Variants in PLK5 observed in about 807,000 individuals in gnomAD.
The protein encoded by PLK5 is polo like kinase 5 (inactive).
PLK5 carries 28 observed loss-of-function variants against 33.7 expected under a neutral mutation model. The ratio of observed to expected loss-of-function variants is 0.83; its 90% CI spans 0.62 to 1.14. The LOEUF (loss-of-function observed/expected upper bound fraction) is 1.14. Among genes scored for constraint, PLK5 ranks in the 50% most tolerant of loss-of-function variants. The probability of loss-of-function intolerance (pLI) is 0.00; values close to 1 mark genes in which losing one functional copy is unlikely to be tolerated. For missense variants in PLK5, 492 were observed against 461.5 expected, an observed-to-expected ratio of 1.07 and a Z score of -0.61; for synonymous variants, 225 against 202.2, an observed-to-expected ratio of 1.11 and a Z score of -0.96.
chr19:1,534,154 G>GAAA, intron 13 of PLK5, 113 bp downstream of exon 13: 1 of 461,944 alleles, frequency 2.2e-6, no homozygotes, highest in Non-Finnish European at 3.4e-6. Flanking sequence ...TTGCCTCCCA[G>GAAA]GAAAAAAAAA....
intron 12 of PLK5, among the ~76,000 whole-genome samples, chr19:1,532,574 G>C (rs1262294655): frequency 2.0e-5 from 3 of 147,748 alleles, no homozygotes; most frequent in Non-Finnish European, 4.5e-5. Flanking sequence ...CCAGGCTGGA[G>C]TGCAGTGGCG....
rs1301439342 is a variant in PLK5 at position 1,529,478 on chromosome 19, A to T, written c.478A>T (p.Ser160Cys). 6.5e-7 allele frequency: 1 copy of T among 1,535,750 alleles called. No individual in the cohort carries two copies. The highest frequency in any genetic ancestry group is 8.7e-7 in the Non-Finnish European group (1 of 1,146,764). The change falls in exon 10 of 14, where the codon AGT becomes TGT. Residue 160 changes from serine to cysteine, a missense_variant. Ser to Cys is a moderately radical substitution (Grantham distance 112). Coordinates refer to ENST00000454744, the MANE Select transcript of PLK5 (RefSeq NM_001243079.2). ...CCTGGTCGCACAAGGGACCCTGCAG[A>T]GTGACCTGGCCGGTGAGCAGATCCC... is the stretch of plus-strand genomic sequence containing the variant. Reference protein sequence around the residue: ...IHLVAQGTLQSDLAGPEGSRR... With the variant: ...IHLVAQGTLQCDLAGPEGSRR...
rs1002835367 is a variant in PLK5, at chr19:1,536,043, G to T, written c.*793G>T. 6.6e-6 allele frequency: 1 copy of T among 152,314 alleles called. No individual in the cohort carries two copies. The highest frequency in any genetic ancestry group is 2.4e-5 in the African/African-American group (1 of 41,422). The allele number at this position is 152,314 out of a possible 1,614,324, so 9.4% of individuals were successfully genotyped here. A position where few individuals can be genotyped will look rare whatever the true frequency, so the allele number is the denominator to read the frequency against. On this transcript the variant is annotated 3_prime_UTR_variant, in exon 14 of 14. Coordinates refer to ENST00000454744, the MANE Select transcript of PLK5 (RefSeq NM_001243079.2). ...GCACAACCGTCACCTGTGCTGCCCT[G>T]GGGTGGACGGTGCACTCATGGACCT...
In PLK5 at chr19:1,529,839, A is replaced by G; in HGVS notation, c.568+15A>G. 1.3e-6 allele frequency: 2 copies of G among 1,534,404 alleles called. No individual in the cohort carries two copies. The highest frequency in any genetic ancestry group is 2.0e-5 in the Admixed American group (1 of 50,690). ...AGGCCCCCCGGGTAGGAGCCGGCCC[A>G]GCCCCCAGGATCACCTTTACTCTTA... On this transcript the variant is annotated intron_variant, in intron 11 of 13. Coordinates refer to ENST00000454744, the MANE Select transcript of PLK5 (RefSeq NM_001243079.2).
Position 1,529,816 on chromosome 19 carries a change from G to T in PLK5, c.560G>T (p.Gly187Val), listed in dbSNP as rs781412544. Residue 187 changes from glycine (G) to valine (V), a missense_variant, in exon 11 of 14, where the codon GGC (glycine) becomes GTC (valine). Coordinates refer to ENST00000454744, the MANE Select transcript of PLK5 (RefSeq NM_001243079.2). ...CACCTGCAGCTGTGCCTGGATGTAG[G>T]CCCCCCGGGTAGGAGCCGGCCCAGC... ...LRHLQLCLDV[G>V]PPATQDPLGE... The T allele has an allele frequency of 6.5e-7, 1 of 1,535,764 alleles. No homozygotes were observed. Among genetic ancestry groups the T allele is most frequent in the Non-Finnish European group, 8.7e-7 (1 of 1,146,792 alleles).
In PLK5 at chr19:1,535,051, C is replaced by T. The variant is rs1408994147; in HGVS notation, c.826-14C>T. 6.6e-7 allele frequency: 1 copy of T among 1,519,234 alleles called. No individual in the cohort carries two copies. The highest frequency in any genetic ancestry group is 2.5e-5 in the East Asian group (1 of 40,228). The allele number at this position is 1,519,234 out of a possible 1,614,324, so 94.1% of individuals were successfully genotyped here. A position where few individuals can be genotyped will look rare whatever the true frequency, so the allele number is the denominator to read the frequency against. ...GTACCCGTCTCCCCTTGACTGGTAT[C>T]TTACCCTTTGCAGGTGAGCTTCAGT... On this transcript the variant is annotated splice_polypyrimidine_tract_variant and intron_variant, in intron 13 of 13. Transcript: ENST00000454744.
intron 6 of PLK5, among the ~76,000 whole-genome samples, chr19:1,527,730 G>T (rs1248661533): frequency 6.6e-6 from 1 of 152,052 alleles, no homozygotes; most frequent in Non-Finnish European, 1.5e-5. Context: ...AGGGTGCCAG[G>T]TGCAGGCAGG....
chr19:1,529,704 G>A (rs757147433), intron 10 of PLK5, 43 bp from the exon 11 acceptor site: 2 of 1,529,946 alleles, frequency 1.3e-6, no homozygotes, highest in Non-Finnish European at 1.8e-6. Context: ...GCCTGGTGGT[G>A]GGAACCCAGA....
intron 3 of PLK5, 87 bp downstream of exon 3, chr19:1,525,798 C>T: frequency 6.5e-6 from 1 of 152,932 alleles, no homozygotes. Flanking sequence ...CGCCGCTGCC[C>T]CCCGTACCAT....
rs1014825512 is a variant in PLK5 at position 1,531,967 on chromosome 19, C to T, written c.714+84C>T. On this transcript the variant is annotated intron_variant, in intron 12 of 13. Coordinates refer to ENST00000454744, the MANE Select transcript of PLK5 (RefSeq NM_001243079.2). ...CATCTCTCAAGTATTTATTAAGCACCTACTGTGCACACCTACAGGTGCTCC... is the reference window on the plus strand; with the variant it reads ...CATCTCTCAAGTATTTATTAAGCACTTACTGTGCACACCTACAGGTGCTCC... The T allele has an allele frequency of 8.0e-6, 11 of 1,373,114 alleles. No individual in the cohort carries two copies. The South Asian group carries it at 9.5e-5, about 12-fold the overall frequency. 85.1% of individuals were successfully genotyped at this position (1,373,114 alleles called of 1,614,324 possible).
chr19:1,527,045 GGTGTGGC>G, intron 6 of PLK5, 47 bp downstream of exon 6: 1 of 1,156,980 alleles, frequency 8.6e-7, no homozygotes, highest in East Asian at 2.8e-5. Flanking sequence ...GGGGGGGGCA[GGTGTGGC>G]GGGGGGGGAG....
Position 1,529,409 on chromosome 19 carries a change from T to G in PLK5, c.409T>G (p.Ser137Ala). The G allele has an allele frequency of 1.3e-6, 2 of 1,535,704 alleles. No homozygotes were observed. Among genetic ancestry groups the G allele is most frequent in the Non-Finnish European group, 1.7e-6 (2 of 1,146,770 alleles). The change falls in exon 10 of 14, where the codon TCC becomes GCC. Residue 137 changes from serine to alanine, a missense_variant. Ser to Ala is a moderately conservative substitution (Grantham distance 99, BLOSUM62 1). Coordinates refer to ENST00000454744, the MANE Select transcript of PLK5 (RefSeq NM_001243079.2). ...ACCCCTGCTGCTCCCACCTCAGAGC[T>G]CCCTGTCTGCGAAAGAGGTTCCCTG... ...PDSMEWDGES[S>A]LSAKEVPCLE...
chr19:1,532,968 G>GT (rs548769914), intron 12 of PLK5, among the ~76,000 whole-genome samples: 4,733 of 144,378 alleles, frequency 0.033, 129 homozygotes, highest in African/African-American at 0.074. Flanking sequence ...GCCTGGCCAA[G>GT]TTTTTTTTTT....
At chr19:1,534,140 G>T in intron 13 of PLK5, 99 bp downstream of exon 13, 1 of 723,882 alleles carries the variant, frequency 1.4e-6, no homozygotes, top group South Asian at 2.0e-5. Context: ...GCCTTAGGAA[G>T]CATTTGCCTC....
rs558967313 is a variant in PLK5 at position 1,533,945 on chromosome 19, C to G, written c.729C>G (p.Pro243=). ...PATPRREGTL[P]TPVPPAGPGL... ...TCTGTCCACAGGAGGGGACCCTCCC[C>G]ACACCTGTGCCACCTGCTGGACCCG... The change falls in exon 13 of 14, where the codon CCC becomes CCG. Residue 243 remains proline (P), a synonymous_variant. Transcript: ENST00000454744. 25 of 1,534,306 alleles carry G rather than the reference C, an allele frequency of 1.6e-5. No individual in the cohort carries two copies. In the African/African-American group the frequency reaches 3.0e-4, roughly 18 times the overall value.
At chr19:1,530,241 G>A (rs952750052) in intron 11 of PLK5, among the ~76,000 whole-genome samples, 5 of 151,984 alleles carry the variant, frequency 3.3e-5, no homozygotes, top group African/African-American at 1.2e-4. Flanking sequence ...CACCCTTAGA[G>A]AGGGAGCCCC....
intron 13 of PLK5, 84 bp downstream of exon 13, chr19:1,534,125 G>C: frequency 9.0e-7 from 1 of 1,108,326 alleles, no homozygotes; most frequent in South Asian, 1.4e-5. Context: ...GCAAGCTTTG[G>C]GGGAGCCTTA....
chr19:1,527,130 G>A lies in PLK5; in HGVS notation c.2+132G>A, dbSNP rs1341651131. ...GTGGAACAGGCACCTGTCGCCAAGT[G>A]TGCAGTATGAACAGGACGTGTGTGG... On this transcript the variant is annotated intron_variant, in intron 6 of 13. Coordinates refer to ENST00000454744, the MANE Select transcript of PLK5 (RefSeq NM_001243079.2). 2.0e-5 allele frequency: 20 copies of A among 980,874 alleles called. No homozygotes were observed. The East Asian group carries it at 5.3e-4, about 26-fold the overall frequency. 60.8% of individuals were successfully genotyped at this position (980,874 alleles called of 1,614,324 possible).
In PLK5 at chr19:1,528,923, G is replaced by T. The variant is rs745948827; in HGVS notation, c.354G>T (p.Ser118=). 3.5e-5 allele frequency: 53 copies of T among 1,519,886 alleles called. No individual in the cohort carries two copies. The East Asian group carries it at 9.2e-4, about 26-fold the overall frequency. 94.1% of individuals were successfully genotyped at this position (1,519,886 alleles called of 1,614,324 possible). ...GCCCCTTCACGCCTAAAGAGGCCTC[G>T]GGTCCAGGAGAAGGTGGGCCAGACC... The part of the protein sequence containing the change: ...PPCPFTPKEA[S]GPGEGGPDPD... The change falls in exon 9 of 14, where the codon TCG becomes TCT. Residue 118 remains serine, a synonymous_variant. Coordinates refer to ENST00000454744, the MANE Select transcript of PLK5 (RefSeq NM_001243079.2).
Sources: allele counts gnomAD v4.1 joint callset (sites outside exome capture counted in the v4.1 genomes callset), GRCh38; gene constraint gnomAD v4.1.1; transcripts MANE v1.5; gene names NCBI Gene and HGNC (gene_info 2026-07-23, HGNC 2026-07-21).